HS6ST1: variants seen among roughly 807,000 people sequenced by gnomAD.
The protein encoded by HS6ST1 is heparan-sulfate 6-O-sulfotransferase 1.
In HS6ST1, 3 loss-of-function variants were observed where a neutral mutation model predicts 25.2. The ratio of observed to expected loss-of-function variants is 0.12; its 90% CI spans 0.05 to 0.31. HS6ST1 has a LOEUF of 0.31. Ranked by LOEUF, HS6ST1 falls within the 10% of genes least tolerant of loss-of-function variation. The probability of loss-of-function intolerance (pLI) is 1.00; values close to 1 mark genes in which losing one functional copy is unlikely to be tolerated. For synonymous variants in HS6ST1, 204 were observed against 275.1 expected (o/e 0.74, Z 2.56); for missense variants, 310 against 609.6 (o/e 0.51, Z 5.18).
chr2:128,299,147 C>A lies in HS6ST1; in HGVS notation c.527+18890G>T, dbSNP rs77753415. ...ACCCAGTTTCTGTTCTTTGCAGGGA[C>A]AGAGCAGGCTTCGCAAGTGCCTGCC... On this transcript the variant is annotated intron_variant, in intron 1 of 1. Coordinates refer to ENST00000259241, the MANE Select transcript of HS6ST1 (RefSeq NM_004807.3). Among the ~76,000 whole-genome samples the A allele has an allele frequency of 8.0e-3, 1,216 of 152,376 alleles. 15 individuals are homozygous for A. The highest frequency in any genetic ancestry group is 0.025 in the African/African-American group (1,042 of 41,598).
intron 1 of HS6ST1, among the ~76,000 whole-genome samples, chr2:128,279,965 G>C (rs1007873748): frequency 6.6e-6 from 1 of 152,280 alleles, no homozygotes; most frequent in Admixed American, 6.5e-5. Flanking sequence ...ACACCACAGG[G>C]TACCAGGATG....
chr2:128,311,836 C>T (rs1218969403), intron 1 of HS6ST1, among the ~76,000 whole-genome samples: 5 of 152,170 alleles, frequency 3.3e-5, no homozygotes, highest in African/African-American at 1.2e-4. Flanking sequence ...GTGGTGGCAT[C>T]GGTGGTGCAG....
intron 1 of HS6ST1, among the ~76,000 whole-genome samples, chr2:128,269,520 C>T (rs578145978): frequency 2.0e-5 from 3 of 152,248 alleles, no homozygotes; most frequent in East Asian, 1.9e-4. Flanking sequence ...CTCCCCTGCG[C>T]GGCAGGAGCC....
chr2:128,306,847 G>A (rs1694219956), intron 1 of HS6ST1, among the ~76,000 whole-genome samples: 1 of 152,184 alleles, frequency 6.6e-6, no homozygotes. Context: ...GGTGCCCAAG[G>A]GGCCTGGGGA....
At position 128,302,652 on chromosome 2, in the gene HS6ST1, C is replaced by T. The variant is rs186953431; in HGVS notation, c.527+15385G>A. 3.0e-3 allele frequency among the ~76,000 whole-genome samples: 460 copies of T among 152,286 alleles called. 2 individuals are homozygous for T. Among genetic ancestry groups the T allele is most frequent in the Non-Finnish European group, 4.5e-3 (307 of 68,016 alleles). Reference sequence around the variant, plus strand: ...GTGGCTGGCTCCCCTCCCCTCACTCCCTCAAGCTGCACTTGGGATGCTCCC... The same window carrying T: ...GTGGCTGGCTCCCCTCCCCTCACTCTCTCAAGCTGCACTTGGGATGCTCCC... On this transcript the variant is annotated intron_variant, in intron 1 of 1. Transcript: ENST00000259241.
At chr2:128,309,416 G>A (rs1694257270) in intron 1 of HS6ST1, among the ~76,000 whole-genome samples, 1 of 152,246 alleles carries the variant, frequency 6.6e-6, no homozygotes, top group Admixed American at 6.5e-5. Flanking sequence ...AGCGGCCTGG[G>A]CTGACCAGTG....
chr2:128,282,924 G>A (rs775349373), intron 1 of HS6ST1, among the ~76,000 whole-genome samples: 25 of 152,198 alleles, frequency 1.6e-4, no homozygotes, highest in Non-Finnish European at 3.4e-4. Context: ...CACATCTGGG[G>A]CCTCTGGACC....
chr2:128,292,285 C>T (rs1374727650), intron 1 of HS6ST1, among the ~76,000 whole-genome samples: 1 of 152,228 alleles, frequency 6.6e-6, no homozygotes, highest in Non-Finnish European at 1.5e-5. Flanking sequence ...TTCCATAGGG[C>T]CCACGCCTGG....
chr2:128,275,578 G>A (rs149247887), intron 1 of HS6ST1, among the ~76,000 whole-genome samples: 1 of 152,134 alleles, frequency 6.6e-6, no homozygotes, highest in Non-Finnish European at 1.5e-5. Flanking sequence ...AAAAGTAAAA[G>A]AAAACGAGGA....
At chr2:128,303,545 GT>G (rs1469860294) in intron 1 of HS6ST1, among the ~76,000 whole-genome samples, 1 of 152,252 alleles carries the variant, frequency 6.6e-6, no homozygotes, top group Non-Finnish European at 1.5e-5. Context: ...ACACGCACCT[GT>G]CTGGGCCCAG....
At position 128,268,265 on chromosome 2, in the gene HS6ST1, C is replaced by T. The variant is rs368742889; in HGVS notation, c.1133G>A (p.Arg378His). 129 of 1,611,994 alleles carry T rather than the reference C, an allele frequency of 8.0e-5. No individual in the cohort carries two copies. The Middle Eastern group carries it at 1.3e-3, about 16-fold the overall frequency. ...REQRLRSREE[R>H]LLHRAKEALP... is the part of the protein sequence containing the mutation. ...TGCCTCCTTGGCCCGGTGCAGCAGA[C>T]GCTCCTCGCGGCTCCTCAGGCGCTG... The change falls in exon 2 of 2, where the codon CGT (arginine) becomes CAT (histidine). Residue 378 changes from arginine to histidine, a missense_variant. This residue lies in a region of HS6ST1 where 140 missense variants were observed against 176.5 expected (regional missense o/e 0.79). Transcript: ENST00000259241.
At chr2:128,282,310 G>A in intron 1 of HS6ST1, among the ~76,000 whole-genome samples, 1 of 152,224 alleles carries the variant, frequency 6.6e-6, no homozygotes, top group East Asian at 1.9e-4. Context: ...AACTGCGGCT[G>A]TCCAGCAGCA....
intron 1 of HS6ST1, among the ~76,000 whole-genome samples, chr2:128,269,918 G>A (rs1693587124): frequency 6.6e-6 from 1 of 152,158 alleles, no homozygotes. Flanking sequence ...GGGGGGCATG[G>A]AGGGACCCCG....
intron 1 of HS6ST1, among the ~76,000 whole-genome samples, chr2:128,270,302 G>A (rs1693591686): frequency 6.6e-6 from 1 of 152,208 alleles, no homozygotes; most frequent in Non-Finnish European, 1.5e-5. Context: ...GGTCAGGCAC[G>A]GCTGGTCTCC....
chr2:128,302,539 A>C (rs1323117476), intron 1 of HS6ST1, among the ~76,000 whole-genome samples: 1 of 152,050 alleles, frequency 6.6e-6, no homozygotes, highest in Non-Finnish European at 1.5e-5. Flanking sequence ...CTTGGGGCCC[A>C]GGAATAGCTC....
At chr2:128,279,650 G>A (rs571832007) in intron 1 of HS6ST1, among the ~76,000 whole-genome samples, 3 of 152,244 alleles carry the variant, frequency 2.0e-5, no homozygotes, top group South Asian at 4.2e-4. Flanking sequence ...GGTCAGGCAC[G>A]GTGATGCACA....
At position 128,268,759 on chromosome 2, in the gene HS6ST1, C is replaced by A. The variant is rs1195049028; in HGVS notation, c.639G>T (p.Gly213=). 11 of 1,612,466 alleles carry A rather than the reference C, an allele frequency of 6.8e-6. No individual in the cohort carries two copies. Among genetic ancestry groups the A allele is most frequent in the Non-Finnish European group, 9.3e-6 (11 of 1,179,902 alleles). Residue 213 remains glycine, a synonymous_variant, in exon 2 of 2, where the codon GGG becomes GGT. Transcript: ENST00000259241. The part of the protein sequence containing the change: ...TWKTSLHMCD[G]RTPTPEELPP... ...GCAGCTCCTCAGGCGTGGGCGTGCG[C>A]CCATCACACATATGCAACGACGTCT... is the stretch of plus-strand genomic sequence containing the variant.
intron 1 of HS6ST1, among the ~76,000 whole-genome samples, chr2:128,294,062 C>T (rs1573701311): frequency 6.6e-6 from 1 of 152,240 alleles, no homozygotes; most frequent in Middle Eastern, 3.4e-3. Flanking sequence ...GGGCCCTGCC[C>T]TCTCCTCTCT....
At chr2:128,314,249 C>A (rs758691248) in intron 1 of HS6ST1, among the ~76,000 whole-genome samples, 11 of 152,260 alleles carry the variant, frequency 7.2e-5, no homozygotes, top group Non-Finnish European at 1.3e-4. Flanking sequence ...ACCTGGTCTG[C>A]CCCACCAAGG....
Sources: gnomAD v4.1 joint callset for allele counts (sites outside exome capture counted in the v4.1 genomes callset) on GRCh38, gnomAD v4.1.1 for gene constraint, gnomAD v4.1.1 regional missense constraint, MANE v1.5 for transcripts, NCBI Gene and HGNC (gene_info 2026-07-23, HGNC 2026-07-21) for gene names.